The following CCDC171 variants were observed in gnomAD, a reference collection of about 807,000 sequenced individuals.
The protein encoded by CCDC171 is coiled-coil domain containing 171, also known as coiled-coil domain-containing protein 171.
CCDC171 carries 177 observed loss-of-function variants against 168.2 expected under a neutral mutation model. The ratio of observed to expected loss-of-function variants is 1.05; its 90% CI spans 0.93 to 1.19. The LOEUF (loss-of-function observed/expected upper bound fraction) is 1.19. Ranked by LOEUF, CCDC171 falls within the 50% of genes most tolerant of loss-of-function variation. The pLI is 0.00. For synonymous variants in CCDC171, 687 were observed against 540.8 expected (o/e 1.27, Z -3.75); for missense variants, 1,991 against 1,539.0 (o/e 1.29, Z -4.91).
At chr9:15,592,135 T>G (rs576710313) in intron 5 of CCDC171, among the ~76,000 whole-genome samples, 1 of 150,970 alleles carries the variant, frequency 6.6e-6, no homozygotes, top group East Asian at 1.9e-4. Context: ...TTGCCATTTT[T>G]TTTGAAGTAA....
chr9:15,693,909 C>T (rs1329029925), intron 10 of CCDC171, among the ~76,000 whole-genome samples: 2 of 152,004 alleles, frequency 1.3e-5, no homozygotes, highest in Non-Finnish European at 2.9e-5. Flanking sequence ...TTTCTATTTA[C>T]TCATCTCTCA....
chr9:15,588,526 G>A (rs2041744641), intron 4 of CCDC171: 2 of 349,644 alleles, frequency 5.7e-6, no homozygotes, highest in Non-Finnish European at 1.1e-5. Context: ...AAAAGCTGAT[G>A]CTTACAAGGA....
rs574880408 is a variant in CCDC171, at chr9:16,003,159, C to T, written n.369-17430C>T. On this transcript the variant is annotated intron_variant and non_coding_transcript_variant, in intron 3 of 9. Transcript: ENST00000486641. ...AAAAATCAAAAAGAAAACATCCCAA[C>T]TTCCCACATCCAGAGTTCTAGTCCT... 7.9e-5 allele frequency among the ~76,000 whole-genome samples: 12 copies of T among 152,354 alleles called. No individual in the cohort carries two copies. In the South Asian group the frequency reaches 2.5e-3, roughly 32 times the overall value.
At chr9:15,914,731 C>T (rs1824248622) in intron 24 of CCDC171, among the ~76,000 whole-genome samples, 1 of 151,950 alleles carries the variant, frequency 6.6e-6, no homozygotes, top group Non-Finnish European at 1.5e-5. Context: ...GATGTCTGCT[C>T]AAATGGCCAC....
At chr9:16,041,289 A>C (rs924224964), upstream of CCDC171, among the ~76,000 whole-genome samples, 3 of 152,198 alleles carry the variant, frequency 2.0e-5, no homozygotes, top group African/African-American at 7.2e-5. Flanking sequence ...CAGTGGGAGC[A>C]GGGAGGCATT....
chr9:15,891,699 A>G (rs1820239499), intron 24 of CCDC171, among the ~76,000 whole-genome samples: 2 of 152,224 alleles, frequency 1.3e-5, no homozygotes, highest in South Asian at 2.1e-4. Flanking sequence ...CCAATATTTT[A>G]TAATCTTAAT....
chr9:15,563,457 G>T (rs140303658), intron 1 of CCDC171, among the ~76,000 whole-genome samples: 1 of 152,108 alleles, frequency 6.6e-6, no homozygotes, highest in African/African-American at 2.4e-5. Context: ...TTTAATCTCA[G>T]TCTTGGTTTT....
intron 8 of CCDC171, among the ~76,000 whole-genome samples, chr9:15,661,832 A>T (rs959182548): frequency 6.6e-6 from 1 of 152,266 alleles, no homozygotes; most frequent in Non-Finnish European, 1.5e-5. Flanking sequence ...AGCAATGTAG[A>T]CAAGAAGAAA....
intron 8 of CCDC171, among the ~76,000 whole-genome samples, chr9:15,660,446 T>C (rs2048229277): frequency 6.6e-6 from 1 of 152,176 alleles, no homozygotes; most frequent in South Asian, 2.1e-4. Flanking sequence ...ACCCAATTGT[T>C]AATTTTTCAA....
intron 6 of CCDC171, among the ~76,000 whole-genome samples, chr9:15,598,973 C>T (rs1010793359): frequency 3.3e-5 from 5 of 152,030 alleles, no homozygotes; most frequent in Admixed American, 6.6e-5. Context: ...GATTGCAACC[C>T]CTGCCTTTTT....
At chr9:15,667,064 C>A (rs2048785234) in intron 9 of CCDC171, among the ~76,000 whole-genome samples, 1 of 152,144 alleles carries the variant, frequency 6.6e-6, no homozygotes, top group Non-Finnish European at 1.5e-5. Context: ...GAATTAGAAT[C>A]TTTCTGACTC....
chr9:15,898,163 A>G (rs555132489), intron 24 of CCDC171, among the ~76,000 whole-genome samples: 26 of 152,340 alleles, frequency 1.7e-4, no homozygotes, highest in Admixed American at 1.4e-3. Context: ...ACCCTGGAAC[A>G]TGGGAACTAC....
chr9:15,668,723 G>A (rs1038478774), intron 9 of CCDC171, among the ~76,000 whole-genome samples: 13 of 152,048 alleles, frequency 8.5e-5, no homozygotes, highest in East Asian at 3.9e-4. Context: ...GTGACTTGAG[G>A]GATCTACCTG....
intron 14 of CCDC171, among the ~76,000 whole-genome samples, chr9:15,725,652 G>A (rs1261551318): frequency 6.6e-6 from 1 of 152,018 alleles, no homozygotes; most frequent in Non-Finnish European, 1.5e-5. Context: ...GTTTCACCAT[G>A]TTAGCCAGGC....
chr9:15,795,609 G>T (rs1162956188), intron 21 of CCDC171, among the ~76,000 whole-genome samples: 2 of 152,166 alleles, frequency 1.3e-5, no homozygotes, highest in Non-Finnish European at 2.9e-5. Context: ...CCTAGCTGGA[G>T]GCCAGAGTTG....
intron 6 of CCDC171, among the ~76,000 whole-genome samples, chr9:16,025,558 G>A (rs778742559): frequency 2.0e-5 from 3 of 152,210 alleles, no homozygotes; most frequent in South Asian, 4.1e-4. Context: ...TCCATCAACC[G>A]ATGAATAAAC....
chr9:15,979,173 C>A (rs1165938827), intron 3 of CCDC171, among the ~76,000 whole-genome samples: 1 of 152,048 alleles, frequency 6.6e-6, no homozygotes, highest in Non-Finnish European at 1.5e-5. Context: ...CTTTTTAATT[C>A]AAATAGTTTT....
At chr9:16,006,992 C>A (rs924440302) in intron 3 of CCDC171, among the ~76,000 whole-genome samples, 1 of 152,100 alleles carries the variant, frequency 6.6e-6, no homozygotes, top group African/African-American at 2.4e-5. Flanking sequence ...TTCTAGATCC[C>A]TGAGGAATCG....
chr9:15,664,907 C>T (rs2048619598), intron 8 of CCDC171, among the ~76,000 whole-genome samples: 1 of 151,992 alleles, frequency 6.6e-6, no homozygotes, highest in Non-Finnish European at 1.5e-5. Flanking sequence ...CCATGTTGGT[C>T]AGGCTAGTCT....
Sources: gnomAD v4.1 joint callset for allele counts (sites outside exome capture counted in the v4.1 genomes callset) on GRCh38, gnomAD v4.1.1 for gene constraint, MANE v1.5 for transcripts, NCBI Gene and HGNC (gene_info 2026-07-23, HGNC 2026-07-21) for gene names.